Variants in ASPRV1 observed in about 807,000 individuals in gnomAD.
The protein encoded by ASPRV1 is retroviral-like aspartic protease 1.
In ASPRV1, 7 loss-of-function variants were observed where a neutral mutation model predicts 11.0. That is an observed-to-expected ratio of 0.64 (90% confidence interval 0.36 to 1.20). The LOEUF (loss-of-function observed/expected upper bound fraction) is 1.20, where lower values mean the gene tolerates loss of function less well. Ranked by LOEUF, ASPRV1 falls within the 50% of genes most tolerant of loss-of-function variation. The pLI is 0.02. For missense variants in ASPRV1, 299 were observed against 320.0 expected (o/e 0.93, Z 0.50); for synonymous variants, 136 against 138.4 (o/e 0.98, Z 0.12).
chr2:70,028,378 T>C, the ASPRV1 span: 1 of 152,118 alleles, frequency 6.6e-6, no homozygotes, highest in African/African-American at 2.4e-5. Flanking sequence ...TCTTTGGAAA[T>C]TAGCAAGCAC....
the ASPRV1 span, chr2:69,935,419 G>A: frequency 5.6e-6 from 9 of 1,613,938 alleles, no homozygotes; most frequent in Admixed American, 3.3e-5. Flanking sequence ...GAATCAAGTC[G>A]ACACACTACG....
chr2:70,068,089 C>G, the ASPRV1 span, among the ~76,000 whole-genome samples: 1 of 152,222 alleles, frequency 6.6e-6, no homozygotes, highest in Admixed American at 6.5e-5. Flanking sequence ...TCCAGGCAAG[C>G]CCTGGTCACC....
the ASPRV1 span, among the ~76,000 whole-genome samples, chr2:69,982,175 G>C: frequency 6.6e-6 from 1 of 151,958 alleles, no homozygotes; most frequent in African/African-American, 2.4e-5. Flanking sequence ...TGGACACTCT[G>C]TGATTAAATC....
At chr2:70,069,820 G>A in the ASPRV1 span, among the ~76,000 whole-genome samples, 3 of 151,980 alleles carry the variant, frequency 2.0e-5, no homozygotes, top group African/African-American at 7.3e-5. Flanking sequence ...TATGAGCTTG[G>A]ACAAGTCACT....
chr2:70,014,389 CA>C, the ASPRV1 span, among the ~76,000 whole-genome samples: 2 of 152,048 alleles, frequency 1.3e-5, no homozygotes, highest in Admixed American at 1.3e-4. Context: ...AGAAGATATA[CA>C]AGCACAATAA....
chr2:69,942,257 G>A, the ASPRV1 span: 1 of 152,290 alleles, frequency 6.6e-6, no homozygotes. Flanking sequence ...TTTCGATGAG[G>A]TGGTTTCTCA....
At chr2:69,943,769 T>A in the ASPRV1 span, among the ~76,000 whole-genome samples, 1 of 152,308 alleles carries the variant, frequency 6.6e-6, no homozygotes, top group East Asian at 1.9e-4. Context: ...GTGAGTCTCA[T>A]TGGCGCTCAA....
chr2:70,021,304 G>A, the ASPRV1 span, among the ~76,000 whole-genome samples: 847 of 151,386 alleles, frequency 5.6e-3, 7 homozygotes, highest in Middle Eastern at 0.02. Context: ...TGTTCTGTAC[G>A]CAAGATGAAT....
the ASPRV1 span, among the ~76,000 whole-genome samples, chr2:69,977,027 A>G: frequency 6.6e-6 from 1 of 152,102 alleles, no homozygotes; most frequent in African/African-American, 2.4e-5. Context: ...CCCCGTCTCT[A>G]CTAAAAATAC....
chr2:70,076,503 G>A, the ASPRV1 span, among the ~76,000 whole-genome samples: 8 of 151,672 alleles, frequency 5.3e-5, no homozygotes, highest in African/African-American at 1.5e-4. Context: ...GCATTTAACC[G>A]TCACCACCAT....
the ASPRV1 span, chr2:69,942,558 T>G: frequency 2.0e-4 from 30 of 152,320 alleles, no homozygotes; most frequent in Admixed American, 3.9e-4. Flanking sequence ...TGATTTCTTC[T>G]CTCTGTGGGG....
the ASPRV1 span, chr2:69,997,020 A>G: frequency 3.9e-6 from 1 of 257,260 alleles, no homozygotes; most frequent in South Asian, 3.9e-5. Flanking sequence ...AAGGCAGAAT[A>G]AGAAGTGGAC....
the ASPRV1 span, among the ~76,000 whole-genome samples, chr2:69,975,030 AC>A: frequency 1.3e-5 from 2 of 152,218 alleles, no homozygotes; most frequent in African/African-American, 4.8e-5. Context: ...TGTGGGTCAC[AC>A]GCGACAAACT....
In ASPRV1 at chr2:69,960,309, TA is replaced by T. The variant is rs1211100101; in HGVS notation, c.*347del. On this transcript the variant is annotated 3_prime_UTR_variant, in exon 1 of 1. Transcript: ENST00000320256. ...TGAGGACCTGAGAGTGACCAAGCCA[TA>T]CCTCAGGGAATCTGAAGGGGTCCCA... 1.2e-5 allele frequency: 3 copies of T among 253,740 alleles called. No homozygotes were observed. In the East Asian group the frequency reaches 2.5e-4, roughly 21 times the overall value. The allele number at this position is 253,740 out of a possible 1,614,324, so 15.7% of individuals were successfully genotyped here.
At chr2:69,953,366 C>A in the ASPRV1 span, among the ~76,000 whole-genome samples, 4 of 152,184 alleles carry the variant, frequency 2.6e-5, no homozygotes, top group African/African-American at 9.7e-5. Flanking sequence ...AAGCAAGTGG[C>A]GGGACAGCAC....
At chr2:70,003,849 T>C in the ASPRV1 span, among the ~76,000 whole-genome samples, 4 of 152,170 alleles carry the variant, frequency 2.6e-5, no homozygotes, top group Non-Finnish European at 2.9e-5. Context: ...TGGGAGTGGG[T>C]TCCTCACAAA....
chr2:70,001,433 G>C, the ASPRV1 span, among the ~76,000 whole-genome samples: 6 of 152,070 alleles, frequency 3.9e-5, no homozygotes, highest in Non-Finnish European at 8.8e-5. Context: ...GGAGGCTAAA[G>C]CAGTAGATCC....
the ASPRV1 span, among the ~76,000 whole-genome samples, chr2:69,991,971 G>C: frequency 6.6e-6 from 1 of 152,308 alleles, no homozygotes; most frequent in South Asian, 2.1e-4. Flanking sequence ...TGCTGCTTTG[G>C]GGGCTCTGGC....
chr2:70,086,595 G>A, the ASPRV1 span: 2 of 152,254 alleles, frequency 1.3e-5, no homozygotes, highest in Non-Finnish European at 2.9e-5. Context: ...CGCGGGGAAA[G>A]CCGCAGAAAC....
Sources: allele counts gnomAD v4.1 joint callset (sites outside exome capture counted in the v4.1 genomes callset), GRCh38; gene constraint gnomAD v4.1.1; transcripts MANE v1.5; gene names NCBI Gene and HGNC (gene_info 2026-07-23, HGNC 2026-07-21).